TNNI3K: variants seen among roughly 807,000 people sequenced by gnomAD.
TNNI3K encodes the protein TNNI3 interacting kinase.
TNNI3K carries 140 observed loss-of-function variants against 114.5 expected under a neutral mutation model. That is an observed-to-expected ratio of 1.22 (90% CI 1.07 to 1.41). The LOEUF (loss-of-function observed/expected upper bound fraction) is 1.41, where lower values mean the gene tolerates loss of function less well. Ranked by LOEUF, TNNI3K falls within the 40% of genes most tolerant of loss-of-function variation. The probability of loss-of-function intolerance (pLI) is 0.00; values close to 1 mark genes in which losing one functional copy is unlikely to be tolerated. For synonymous variants in TNNI3K, 347 were observed against 347.5 expected (o/e 1.00, Z 0.02); for missense variants, 1,125 against 1,007.6 (o/e 1.12, Z -1.58).
chr1:74,266,087 T>G (rs574257119), intron 4 of TNNI3K, among the ~76,000 whole-genome samples: 2 of 152,202 alleles, frequency 1.3e-5, no homozygotes, highest in East Asian at 1.9e-4. Context: ...TCATGGATTC[T>G]TAGTTCAAAA....
chr1:74,275,334 C>T (rs1453192630), intron 5 of TNNI3K, among the ~76,000 whole-genome samples: 1 of 152,018 alleles, frequency 6.6e-6, no homozygotes, highest in Non-Finnish European at 1.5e-5. Flanking sequence ...AGCAGAAACC[C>T]CTGATCAAAC....
At chr1:74,368,388 C>A (rs1056778668) in intron 13 of TNNI3K, among the ~76,000 whole-genome samples, 7 of 151,624 alleles carry the variant, frequency 4.6e-5, no homozygotes, top group Non-Finnish European at 7.4e-5. Flanking sequence ...AACATTGGAC[C>A]AGGAAAGTAA....
At chr1:74,367,209 C>T in intron 11 of TNNI3K, 47 bp from the exon 12 acceptor site, 1 of 1,598,684 alleles carries the variant, frequency 6.3e-7, no homozygotes, top group Non-Finnish European at 8.5e-7. Context: ...GACTGAATAA[C>T]TTAAACAAAA....
rs530729251 is a variant in TNNI3K, at chr1:74,451,231, T to C, written c.2011+11609T>C. ...TGGACACAGGGAGGGGAACAATGCA[T>C]ACTGGGGCCTGTTGGGGAAGGCAGG... On this transcript the variant is annotated intron_variant, in intron 20 of 24. Coordinates refer to ENST00000326637, the MANE Select transcript of TNNI3K (RefSeq NM_015978.3). 5.3e-5 allele frequency among the ~76,000 whole-genome samples: 8 copies of C among 151,958 alleles called. No individual in the cohort carries two copies. The South Asian group carries it at 1.7e-3, about 32-fold the overall frequency.
intron 4 of TNNI3K, among the ~76,000 whole-genome samples, chr1:74,263,849 A>G (rs1655813613): frequency 6.6e-6 from 1 of 152,012 alleles, no homozygotes; most frequent in African/African-American, 2.4e-5. Flanking sequence ...TAAAATAGAT[A>G]TTATGTTATA....
At chr1:74,528,952 T>C (rs1004467100) in intron 23 of TNNI3K, among the ~76,000 whole-genome samples, 1 of 152,086 alleles carries the variant, frequency 6.6e-6, no homozygotes, top group Non-Finnish European at 1.5e-5. Context: ...AGGAGAAAGA[T>C]ACAAAGAAAG....
chr1:74,388,630 A>C (rs1663609581), intron 17 of TNNI3K, among the ~76,000 whole-genome samples: 1 of 152,184 alleles, frequency 6.6e-6, no homozygotes, highest in South Asian at 2.1e-4. Context: ...AAAATTGAGA[A>C]TTGACATGAT....
intron 20 of TNNI3K, among the ~76,000 whole-genome samples, chr1:74,463,186 A>G (rs895953952): frequency 2.0e-5 from 3 of 152,244 alleles, no homozygotes; most frequent in African/African-American, 7.2e-5. Context: ...TGCTCCTTGC[A>G]TATTCCTTCA....
chr1:74,300,447 A>G (rs1043746420), intron 5 of TNNI3K, among the ~76,000 whole-genome samples: 1 of 152,214 alleles, frequency 6.6e-6, no homozygotes, highest in Non-Finnish European at 1.5e-5. Context: ...CACTGATGGG[A>G]AACTCCCTGA....
intron 4 of TNNI3K, among the ~76,000 whole-genome samples, chr1:74,271,298 C>A (rs543812044): frequency 1.3e-5 from 2 of 151,846 alleles, no homozygotes; most frequent in Non-Finnish European, 1.5e-5. Flanking sequence ...ATTGGAGTAA[C>A]CTACCTGTAA....
At chr1:74,353,532 T>A (rs1661494199) in intron 10 of TNNI3K, among the ~76,000 whole-genome samples, 172 bp downstream of exon 10, 1 of 152,228 alleles carries the variant, frequency 6.6e-6, no homozygotes, top group Non-Finnish European at 1.5e-5. Context: ...AAAAGCAGAC[T>A]GACTTTTTGG....
At chr1:74,534,312 T>C (rs903053423) in intron 23 of TNNI3K, among the ~76,000 whole-genome samples, 1 of 152,154 alleles carries the variant, frequency 6.6e-6, no homozygotes, top group African/African-American at 2.4e-5. Flanking sequence ...CTCAGAAGAA[T>C]GTGATTTTAA....
At chr1:74,318,012 A>G (rs976603529) in intron 5 of TNNI3K, among the ~76,000 whole-genome samples, 1 of 152,182 alleles carries the variant, frequency 6.6e-6, no homozygotes, top group East Asian at 1.9e-4. Context: ...TGTCTTCTCA[A>G]GAAAGGTAGT....
At chr1:74,467,660 A>T (rs1156725738) in intron 21 of TNNI3K, among the ~76,000 whole-genome samples, 3 of 152,064 alleles carry the variant, frequency 2.0e-5, no homozygotes, top group Non-Finnish European at 2.9e-5. Context: ...TTATTTACTT[A>T]AAAAAATTGT....
At chr1:74,252,440 T>C (rs147843111) in intron 4 of TNNI3K, among the ~76,000 whole-genome samples, 1 of 152,260 alleles carries the variant, frequency 6.6e-6, no homozygotes, top group Admixed American at 6.5e-5. Context: ...AAAAACAAAT[T>C]AAAGTTACTA....
At chr1:74,458,652 A>C (rs1002472543) in intron 20 of TNNI3K, among the ~76,000 whole-genome samples, 23 of 152,188 alleles carry the variant, frequency 1.5e-4, no homozygotes, top group Non-Finnish European at 1.5e-5. Context: ...TATTGCTGTT[A>C]AGCTATCATC....
intron 17 of TNNI3K, among the ~76,000 whole-genome samples, chr1:74,387,897 G>C (rs1219640077): frequency 6.6e-6 from 1 of 152,110 alleles, no homozygotes; most frequent in Non-Finnish European, 1.5e-5. Context: ...TATCTTAAAT[G>C]GTTCTAGAAA....
At chr1:74,494,476 G>A (rs1327669026) in intron 23 of TNNI3K, among the ~76,000 whole-genome samples, 3 of 152,098 alleles carry the variant, frequency 2.0e-5, no homozygotes, top group Non-Finnish European at 4.4e-5. Flanking sequence ...TTGGATTTTA[G>A]TCTCTTGTAT....
At chr1:74,339,878 A>G (rs1009346609) in intron 7 of TNNI3K, among the ~76,000 whole-genome samples, 2 of 152,154 alleles carry the variant, frequency 1.3e-5, no homozygotes, top group South Asian at 4.1e-4. Flanking sequence ...AATTAAATTT[A>G]GAATTAATAA....
Sources: allele counts gnomAD v4.1 joint callset (sites outside exome capture counted in the v4.1 genomes callset), GRCh38; gene constraint gnomAD v4.1.1; transcripts MANE v1.5; gene names NCBI Gene and HGNC (gene_info 2026-07-23, HGNC 2026-07-21).